Variants in SIPA1L1 observed in about 807,000 individuals in gnomAD.
The protein encoded by SIPA1L1 is signal induced proliferation associated 1 like 1, also known as signal-induced proliferation-associated 1-like protein 1.
A neutral mutation model predicts 162.7 loss-of-function variants in SIPA1L1; 26 were observed. The observed-to-expected ratio is 0.16, with a 90% CI of 0.12 to 0.22. SIPA1L1 has a LOEUF of 0.22. Ranked by LOEUF, SIPA1L1 falls within the 10% of genes least tolerant of loss-of-function variation. SIPA1L1 has a pLI of 1.00. For synonymous variants in SIPA1L1, 829 were observed against 837.4 expected, an observed-to-expected ratio of 0.99 and a Z score of 0.17; for missense variants, 1,874 against 2,241.0, an observed-to-expected ratio of 0.84 and a Z score of 3.31.
intron 2 of SIPA1L1, among the ~76,000 whole-genome samples, chr14:71,394,846 AT>A (rs2041054272): frequency 6.6e-6 from 1 of 152,234 alleles, no homozygotes; most frequent in Admixed American, 6.5e-5. Context: ...AGTTAAAATA[AT>A]TTGTGTGATT....
At chr14:71,356,481 A>T (rs2037253449) in intron 2 of SIPA1L1, among the ~76,000 whole-genome samples, 2 of 146,154 alleles carry the variant, frequency 1.4e-5, no homozygotes, top group Admixed American at 7.1e-5. Flanking sequence ...CTGTGATCCC[A>T]GCACTTTGGG....
At chr14:71,688,308 C>T (rs1460368960) in intron 13 of SIPA1L1, among the ~76,000 whole-genome samples, 3 of 152,118 alleles carry the variant, frequency 2.0e-5, no homozygotes, top group Admixed American at 1.3e-4. Context: ...TAGGGATGCT[C>T]AACTGCAAGT....
chr14:71,514,095 A>T (rs375235927), intron 3 of SIPA1L1, among the ~76,000 whole-genome samples: 1 of 152,196 alleles, frequency 6.6e-6, no homozygotes, highest in East Asian at 1.9e-4. Context: ...AAAGTTTATT[A>T]AAAAGCTTTA....
chr14:71,617,022 T>TGAACTCA (rs1491387557), intron 5 of SIPA1L1, among the ~76,000 whole-genome samples: 2 of 152,198 alleles, frequency 1.3e-5, no homozygotes, highest in African/African-American at 4.8e-5. Flanking sequence ...ACTCACACTC[T>TGAACTCA]GATGCATCTA....
chr14:71,428,027 C>T (rs577635188), intron 2 of SIPA1L1, among the ~76,000 whole-genome samples: 1 of 151,618 alleles, frequency 6.6e-6, no homozygotes, highest in African/African-American at 2.4e-5. Flanking sequence ...GATGGAGTCT[C>T]ATTTTTTTGA....
chr14:71,440,126 A>T (rs928452174), intron 2 of SIPA1L1, among the ~76,000 whole-genome samples: 4 of 152,166 alleles, frequency 2.6e-5, no homozygotes, highest in Non-Finnish European at 5.9e-5. Flanking sequence ...CCCAGGTTGA[A>T]GCAATTTTCA....
chr14:71,486,271 C>T (rs780450267), intron 2 of SIPA1L1, among the ~76,000 whole-genome samples: 1 of 152,188 alleles, frequency 6.6e-6, no homozygotes, highest in Non-Finnish European at 1.5e-5. Context: ...ATACAGGGTT[C>T]GATTTTCTGT....
chr14:71,360,992 GAT>G (rs2037755405), intron 2 of SIPA1L1, among the ~76,000 whole-genome samples: 1 of 152,098 alleles, frequency 6.6e-6, no homozygotes, highest in Non-Finnish European at 1.5e-5. Flanking sequence ...TGAAAAGAGA[GAT>G]GATTTGTATA....
chr14:71,350,189 C>T (rs1019394776), intron 2 of SIPA1L1, among the ~76,000 whole-genome samples: 1 of 151,744 alleles, frequency 6.6e-6, no homozygotes, highest in Non-Finnish European at 1.5e-5. Flanking sequence ...CGTGAGCCAC[C>T]GCGCCTGGTT....
At chr14:71,444,952 A>G (rs922686415) in intron 2 of SIPA1L1, among the ~76,000 whole-genome samples, 20 of 152,238 alleles carry the variant, frequency 1.3e-4, no homozygotes, top group African/African-American at 4.6e-4. Flanking sequence ...ACATGGGAAG[A>G]TACCTCCACC....
At chr14:71,653,807 TAGATACCAA>T (rs2042833494) in intron 8 of SIPA1L1, among the ~76,000 whole-genome samples, 1 of 152,218 alleles carries the variant, frequency 6.6e-6, no homozygotes, top group South Asian at 2.1e-4. Flanking sequence ...ACAAACCTGC[TAGATACCAA>T]TTATCCCCAC....
intron 2 of SIPA1L1, among the ~76,000 whole-genome samples, chr14:71,457,697 C>T (rs1217820938): frequency 6.6e-6 from 1 of 152,040 alleles, no homozygotes; most frequent in East Asian, 1.9e-4. Context: ...CAGGTTCAAT[C>T]AATTCTCCTG....
chr14:71,637,344 T>C (rs1004219769), intron 7 of SIPA1L1, among the ~76,000 whole-genome samples: 2 of 152,128 alleles, frequency 1.3e-5, no homozygotes, highest in East Asian at 3.9e-4. Flanking sequence ...AGAGAGTACA[T>C]TGTACATTCA....
intron 3 of SIPA1L1, 35 bp from the exon 4 acceptor site, chr14:71,529,277 C>T (rs2053204308): frequency 6.7e-6 from 4 of 598,294 alleles, no homozygotes; most frequent in Middle Eastern, 2.6e-4. Flanking sequence ...ATTTATTGTG[C>T]ACTTAACCAG....
chr14:71,614,305 A>G (rs538780247), intron 5 of SIPA1L1, among the ~76,000 whole-genome samples: 110 of 152,312 alleles, frequency 7.2e-4, no homozygotes, highest in South Asian at 1.7e-3. Context: ...TTAAATTTAA[A>G]TAGTACATTA....
intron 4 of SIPA1L1, among the ~76,000 whole-genome samples, chr14:71,544,020 T>TGTATATATACACAC: frequency 6.9e-6 from 1 of 144,994 alleles, no homozygotes; most frequent in African/African-American, 2.7e-5. Context: ...TATATACACA[T>TGTATATATACACAC]ACGCACATGT....
At chr14:71,478,678 C>G (rs1467340787) in intron 2 of SIPA1L1, among the ~76,000 whole-genome samples, 1 of 152,170 alleles carries the variant, frequency 6.6e-6, no homozygotes, top group African/African-American at 2.4e-5. Context: ...AAGTCGATTT[C>G]TCCATGACTT....
At chr14:71,672,790 C>G (rs909501518) in intron 12 of SIPA1L1, among the ~76,000 whole-genome samples, 168 bp downstream of exon 12, 8 of 152,154 alleles carry the variant, frequency 5.3e-5, no homozygotes, top group African/African-American at 1.9e-4. Flanking sequence ...AGCTCCCTTT[C>G]AGTGTGTGGT....
chr14:71,349,876 A>G (rs931612252), intron 2 of SIPA1L1, among the ~76,000 whole-genome samples: 2 of 152,186 alleles, frequency 1.3e-5, no homozygotes, highest in Admixed American at 6.5e-5. Context: ...TAATCCCCAA[A>G]TATAGGCAGA....
Sources: gnomAD v4.1 joint callset for allele counts (sites outside exome capture counted in the v4.1 genomes callset) on GRCh38, gnomAD v4.1.1 for gene constraint, MANE v1.5 for transcripts, NCBI Gene and HGNC (gene_info 2026-07-23, HGNC 2026-07-21) for gene names.